MTDH: variants seen among roughly 807,000 people sequenced by gnomAD.
MTDH encodes metadherin.
In MTDH, 34 loss-of-function variants were observed where a neutral mutation model predicts 72.7. The observed-to-expected ratio is 0.47, with a 90% CI of 0.36 to 0.62. The LOEUF (loss-of-function observed/expected upper bound fraction) is 0.62. Among genes scored for constraint, MTDH ranks in the 20% least tolerant of loss-of-function variants. The probability of loss-of-function intolerance (pLI) is 0.00; values close to 1 mark genes in which losing one functional copy is unlikely to be tolerated. For missense variants in MTDH, 677 were observed against 699.4 expected (o/e 0.97, Z 0.36); for synonymous variants, 266 against 268.9 (o/e 0.99, Z 0.10).
rs1811488704 is a variant in MTDH, at chr8:97,644,657, G to A, written c.151G>A (p.Val51Met). ...GGAGCCGAAACGGTACCCCGGCTGG[G>A]TGATCCTGGTGGGCACTGGCGCGCT... ...GLEPKRYPGW[V>M]ILVGTGALGL... Residue 51 changes from valine to methionine, a missense_variant, in exon 1 of 12, where the codon GTG becomes ATG. Physicochemically the swap from Val to Met is conservative, Grantham distance 21. Transcript: ENST00000336273. 6.2e-7 allele frequency: 1 copy of A among 1,609,086 alleles called. No homozygotes were observed. Among genetic ancestry groups the A allele is most frequent in the African/African-American group, 1.3e-5 (1 of 74,250 alleles).
intron 2 of MTDH, among the ~76,000 whole-genome samples, chr8:97,669,277 G>C (rs1418844986): frequency 6.6e-6 from 1 of 151,762 alleles, no homozygotes; most frequent in Non-Finnish European, 1.5e-5. Flanking sequence ...AGCCTCCCTA[G>C]TAGCTGGGAT....
chr8:97,691,274 T>C, intron 6 of MTDH, 86 bp downstream of exon 6: 1 of 976,608 alleles, frequency 1.0e-6, no homozygotes, highest in Non-Finnish European at 1.5e-6. Flanking sequence ...AAAAAAACTA[T>C]GAATAGAAAA....
intron 8 of MTDH, among the ~76,000 whole-genome samples, chr8:97,708,265 T>C (rs1384368874): frequency 2.6e-3 from 51 of 19,570 alleles, no homozygotes; most frequent in African/African-American, 0.014. Context: ...ATGCCAGGCC[T>C]TTTTTTTTTT....
intron 9 of MTDH, among the ~76,000 whole-genome samples, chr8:97,714,681 ATAC>A (rs1814782987): frequency 1.3e-5 from 2 of 152,102 alleles, no homozygotes; most frequent in African/African-American, 4.8e-5. Context: ...TAAAGCACTA[ATAC>A]TGTTACATTA....
rs187193251 is a variant in MTDH, at chr8:97,661,212, T to C, written c.483+39T>C. 20 of 1,391,966 alleles carry C rather than the reference T, an allele frequency of 1.4e-5. No homozygotes were observed. In the Admixed American group the frequency reaches 3.5e-4, roughly 25 times the overall value. The allele number at this position is 1,391,966 out of a possible 1,614,324, so 86.2% of individuals were successfully genotyped here. On this transcript the variant is annotated intron_variant, in intron 2 of 11. Coordinates refer to ENST00000336273, the MANE Select transcript of MTDH (RefSeq NM_178812.4). ...CATATGAAATTGTATGCAAGACTCT[T>C]AATAGAATGACATATAAGGATAATG...
At chr8:97,675,126 C>A (rs111517830) in intron 2 of MTDH, among the ~76,000 whole-genome samples, 230 of 152,286 alleles carry the variant, frequency 1.5e-3, no homozygotes, top group African/African-American at 5.2e-3. Flanking sequence ...CCCTTTTATT[C>A]ATGCTCTCAT....
chr8:97,676,608 C>A (rs1812857653), intron 2 of MTDH, among the ~76,000 whole-genome samples: 1 of 152,158 alleles, frequency 6.6e-6, no homozygotes, highest in Non-Finnish European at 1.5e-5. Flanking sequence ...GTGGCTGACG[C>A]CTGCAATCCC....
At chr8:97,653,478 C>T (rs901610925) in intron 1 of MTDH, among the ~76,000 whole-genome samples, 1 of 152,196 alleles carries the variant, frequency 6.6e-6, no homozygotes, top group African/African-American at 2.4e-5. Context: ...AGAATTTTGG[C>T]TCCATTTGTT....
chr8:97,724,032 G>A (rs534267140), intron 11 of MTDH, among the ~76,000 whole-genome samples: 120 of 151,824 alleles, frequency 7.9e-4, no homozygotes, highest in Non-Finnish European at 1.4e-3. Context: ...TCGCTTGAAC[G>A]CGGGAGGCGG....
At chr8:97,676,606 C>T (rs1030015366) in intron 2 of MTDH, among the ~76,000 whole-genome samples, 17 of 152,098 alleles carry the variant, frequency 1.1e-4, no homozygotes, top group African/African-American at 4.1e-4. Flanking sequence ...TGGTGGCTGA[C>T]GCCTGCAATC....
chr8:97,706,040 A>G (rs563795990), intron 7 of MTDH, among the ~76,000 whole-genome samples: 139 of 152,232 alleles, frequency 9.1e-4, no homozygotes, highest in Non-Finnish European at 1.7e-3. Context: ...ATGATTGGAT[A>G]AAAAGCACAT....
chr8:97,680,038 A>G (rs1219087876), intron 2 of MTDH, among the ~76,000 whole-genome samples: 1 of 152,120 alleles, frequency 6.6e-6, no homozygotes, highest in East Asian at 1.9e-4. Flanking sequence ...TGGTGGATCT[A>G]ATGATTATTT....
chr8:97,703,995 G>A (rs900865130), intron 7 of MTDH, among the ~76,000 whole-genome samples: 1 of 152,152 alleles, frequency 6.6e-6, no homozygotes, highest in Non-Finnish European at 1.5e-5. Context: ...CATGCTCTTC[G>A]CCTCTGTGCT....
chr8:97,694,003 C>G (rs959247310), intron 6 of MTDH, among the ~76,000 whole-genome samples: 22 of 152,114 alleles, frequency 1.4e-4, no homozygotes, highest in Non-Finnish European at 3.2e-4. Flanking sequence ...ATGTGGGCCA[C>G]CACATCTGCC....
At chr8:97,658,759 AC>A (rs1444149826) in intron 1 of MTDH, among the ~76,000 whole-genome samples, 2 of 152,212 alleles carry the variant, frequency 1.3e-5, no homozygotes. Context: ...TATAAGTCTT[AC>A]ATGGAAAAGT....
intron 1 of MTDH, among the ~76,000 whole-genome samples, chr8:97,647,458 G>A (rs1417002154): frequency 2.0e-5 from 3 of 152,104 alleles, no homozygotes; most frequent in African/African-American, 7.2e-5. Flanking sequence ...AGCTATTCTG[G>A]AGGCTGAGGT....
chr8:97,719,181 A>C lies in MTDH; in HGVS notation c.1513A>C (p.Asn505His), dbSNP rs1563570814. 1 of 1,610,150 alleles carries C rather than the reference A, an allele frequency of 6.2e-7. No individual in the cohort carries two copies. Among genetic ancestry groups the C allele is most frequent in the East Asian group, 2.2e-5 (1 of 44,866 alleles). ...TGATCCAGCCGAAGTACTCGTCAAA[A>C]ATAGCCAGGTAATTTTTAAGAATAA... ...TSDPAEVLVK[N>H]SQPIKTLPPA... is the part of the protein sequence containing the mutation. Residue 505 changes from asparagine to histidine, a missense_variant, in exon 10 of 12, where the codon AAT becomes CAT. Physicochemically the swap from Asn to His is moderately conservative, Grantham distance 68. Transcript: ENST00000336273.
chr8:97,709,302 G>A (rs983128799), intron 8 of MTDH, among the ~76,000 whole-genome samples: 1 of 151,258 alleles, frequency 6.6e-6, no homozygotes, highest in Non-Finnish European at 1.5e-5. Context: ...GTGGGGAAAG[G>A]GGTTTTAGAT....
chr8:97,714,730 T>C (rs1174719954), intron 9 of MTDH, among the ~76,000 whole-genome samples: 3 of 152,206 alleles, frequency 2.0e-5, no homozygotes, highest in Non-Finnish European at 4.4e-5. Flanking sequence ...TTACTATAAC[T>C]ATGTAATTAA....
Sources: gnomAD v4.1 joint callset for allele counts (sites outside exome capture counted in the v4.1 genomes callset) on GRCh38, gnomAD v4.1.1 for gene constraint, MANE v1.5 for transcripts, NCBI Gene and HGNC (gene_info 2026-07-23, HGNC 2026-07-21) for gene names.